DENND2A: variants seen among roughly 807,000 people sequenced by gnomAD.
DENND2A encodes DENN domain containing 2A.
In DENND2A, 53 loss-of-function variants were observed where a neutral mutation model predicts 105.3. The ratio of observed to expected loss-of-function variants is 0.50; its 90% confidence interval spans 0.40 to 0.63. The LOEUF (loss-of-function observed/expected upper bound fraction) is 0.63, where lower values mean the gene tolerates loss of function less well. DENND2A is among the 30% of genes least tolerant of loss of function. DENND2A has a pLI of 0.00. For synonymous variants in DENND2A, 522 were observed against 508.4 expected (o/e 1.03, Z -0.36); for missense variants, 1,138 against 1,279.6 (o/e 0.89, Z 1.69).
chr7:140,601,827 G>C lies in DENND2A; in HGVS notation c.571C>G (p.Pro191Ala). 1 of 1,614,182 alleles carries C rather than the reference G, an allele frequency of 6.2e-7. No individual in the cohort carries two copies. Among genetic ancestry groups the C allele is most frequent in the Non-Finnish European group, 8.5e-7 (1 of 1,180,024 alleles). The change falls in exon 3 of 20, where the codon CCT becomes GCT. Residue 191 changes from proline to alanine, a missense_variant. Coordinates refer to ENST00000496613, the MANE Select transcript of DENND2A (RefSeq NM_015689.5). ...LPGTCYSPHC[P>A]PDKAEAGSTL... ...GACCCTGCCTCTGCCTTGTCAGGAG[G>C]GCAGTGTGGGGAGTAACAAGTCCCT...
At chr7:140,594,841 A>G (rs372746476) in intron 3 of DENND2A, among the ~76,000 whole-genome samples, 4 of 151,934 alleles carry the variant, frequency 2.6e-5, no homozygotes, top group East Asian at 3.9e-4. Flanking sequence ...TCAGCCTCTC[A>G]AGTAGCTGGG....
intron 12 of DENND2A, among the ~76,000 whole-genome samples, chr7:140,547,265 G>A (rs148523018): frequency 0.012 from 1,835 of 152,262 alleles, 15 homozygotes; most frequent in Non-Finnish European, 0.018. Flanking sequence ...TAACCCCAAG[G>A]GGGTAAGAAC....
intron 4 of DENND2A, among the ~76,000 whole-genome samples, chr7:140,586,366 AACACAC>A (rs10524571): frequency 0.058 from 8,113 of 139,506 alleles, 533 homozygotes; most frequent in African/African-American, 0.16. Flanking sequence ...TAAAAAAGAA[AACACAC>A]ACACACACAC....
chr7:140,527,711 G>A lies in DENND2A; in HGVS notation c.2328-216C>T, dbSNP rs1262995054. Among the ~76,000 whole-genome samples, 2 of 152,192 alleles carry A rather than the reference G, an allele frequency of 1.3e-5. No individual in the cohort carries two copies. Among genetic ancestry groups the A allele is most frequent in the African/African-American group, 2.4e-5 (1 of 41,444 alleles). On this transcript the variant is annotated intron_variant, in intron 14 of 19. Transcript: ENST00000496613. The surrounding 1 kb of genome is among the most constrained non-coding windows in gnomAD (Gnocchi z 4.9). ...GCACAGCTACAGGGATGAGTTTAAC[G>A]TCCTGGATAATTTTTACAAGTGCGT... is the stretch of plus-strand genomic sequence containing the variant.
chr7:140,555,285 C>T (rs1797311931), intron 12 of DENND2A, among the ~76,000 whole-genome samples: 1 of 152,084 alleles, frequency 6.6e-6, no homozygotes, highest in African/African-American at 2.4e-5. Flanking sequence ...AGGCGCCCGC[C>T]ACCACGCCTG....
At chr7:140,624,203 T>C (rs1800412894) in intron 1 of DENND2A, among the ~76,000 whole-genome samples, 1 of 152,216 alleles carries the variant, frequency 6.6e-6, no homozygotes. Flanking sequence ...GAGTGACGCC[T>C]GTGCTGGCTG....
At chr7:140,555,880 T>C (rs1437139997) in intron 11 of DENND2A, among the ~76,000 whole-genome samples, 167 bp from the exon 12 acceptor site, 17 of 152,200 alleles carry the variant, frequency 1.1e-4, no homozygotes, top group African/African-American at 4.1e-4. Flanking sequence ...TTATAATGTT[T>C]GTTATAATTG....
chr7:140,618,111 C>T (rs1800149408), intron 1 of DENND2A, among the ~76,000 whole-genome samples: 1 of 152,090 alleles, frequency 6.6e-6, no homozygotes, highest in Admixed American at 6.6e-5. Flanking sequence ...TGGCGTCAGT[C>T]CTCCAGAGTT....
intron 1 of DENND2A, among the ~76,000 whole-genome samples, chr7:140,629,678 C>A (rs903210540): frequency 1.3e-5 from 2 of 151,954 alleles, no homozygotes; most frequent in Non-Finnish European, 2.9e-5. Flanking sequence ...AATGAGCTAA[C>A]GGTCTTTATA....
At chr7:140,557,632 C>G (rs1022437331) in intron 11 of DENND2A, among the ~76,000 whole-genome samples, 1 of 136,542 alleles carries the variant, frequency 7.3e-6, no homozygotes, top group Non-Finnish European at 1.6e-5. Context: ...CTCCGCCTCC[C>G]GGGTTCACGC....
At chr7:140,561,195 A>T (rs1281163767) in intron 9 of DENND2A, among the ~76,000 whole-genome samples, 1 of 151,986 alleles carries the variant, frequency 6.6e-6, no homozygotes, top group East Asian at 1.9e-4. Flanking sequence ...TTTAAGAAGC[A>T]CCCCAGATAC....
chr7:140,598,534 A>G (rs181773131), intron 3 of DENND2A, among the ~76,000 whole-genome samples: 18 of 152,362 alleles, frequency 1.2e-4, no homozygotes, highest in Non-Finnish European at 2.5e-4. Context: ...TGTAGACAAT[A>G]TGGTTATATT....
intron 12 of DENND2A, among the ~76,000 whole-genome samples, chr7:140,550,344 C>G (rs949403539): frequency 6.0e-5 from 9 of 150,766 alleles, no homozygotes; most frequent in African/African-American, 2.2e-4. Context: ...GGACGCCCAC[C>G]ACCACACTCA....
At chr7:140,571,671 T>C (rs562477456) in intron 6 of DENND2A, among the ~76,000 whole-genome samples, 10 of 152,090 alleles carry the variant, frequency 6.6e-5, no homozygotes, top group Non-Finnish European at 1.3e-4. Context: ...ATAGATGGAT[T>C]TACAAAATGT....
Position 140,544,638 on chromosome 7 carries a change from G to A in DENND2A, c.2307C>T (p.Ile769=). The A allele has an allele frequency of 6.2e-7, 1 of 1,614,166 alleles. No individual in the cohort carries two copies. Among genetic ancestry groups the A allele is most frequent in the Non-Finnish European group, 8.5e-7 (1 of 1,180,032 alleles). ...GGTACCTGAGCTTGTCTGCAATGAA[G>A]ATGACCCTCCTCTCCAGAAGCAGGG... ...FASLLLERRV[I]FIADKLSILS... is the part of the protein sequence containing the mutation. The change falls in exon 14 of 20, where the codon ATC becomes ATT. Residue 769 remains isoleucine, a synonymous_variant. Coordinates refer to ENST00000496613, the MANE Select transcript of DENND2A (RefSeq NM_015689.5).
At chr7:140,631,945 CG>C (rs1349844212) in intron 1 of DENND2A, among the ~76,000 whole-genome samples, 1 of 152,016 alleles carries the variant, frequency 6.6e-6, no homozygotes, top group East Asian at 1.9e-4. Flanking sequence ...ACTCCAAGCT[CG>C]GGAGATGCAA....
intron 2 of DENND2A, among the ~76,000 whole-genome samples, chr7:140,603,909 T>C (rs1388660695): frequency 1.3e-5 from 2 of 152,206 alleles, no homozygotes; most frequent in Non-Finnish European, 2.9e-5. Flanking sequence ...CTAGAACATA[T>C]ATGTAATGAT....
intron 1 of DENND2A, among the ~76,000 whole-genome samples, chr7:140,625,298 GC>G (rs1322414408): frequency 6.6e-6 from 1 of 151,312 alleles, no homozygotes; most frequent in African/African-American, 2.4e-5. Flanking sequence ...AGTCACTTGA[GC>G]CCGGGACACA....
intron 3 of DENND2A, among the ~76,000 whole-genome samples, chr7:140,598,005 T>G (rs1337522526): frequency 7.1e-6 from 1 of 140,212 alleles, no homozygotes; most frequent in Non-Finnish European, 1.6e-5. Context: ...TCATCCTGTA[T>G]GTATTCTGCA....
Sources: allele counts gnomAD v4.1 joint callset (sites outside exome capture counted in the v4.1 genomes callset), GRCh38; gene constraint gnomAD v4.1.1; non-coding constraint Gnocchi (gnomAD v3.1); transcripts MANE v1.5; gene names NCBI Gene and HGNC (gene_info 2026-07-23, HGNC 2026-07-21).